Variants in ARHGAP26 observed in about 807,000 individuals in gnomAD.
ARHGAP26 encodes Rho GTPase activating protein 26, also known as rho GTPase-activating protein 26.
In ARHGAP26, 38 loss-of-function variants were observed where a neutral mutation model predicts 104.8. That is an observed-to-expected ratio of 0.36 (90% CI 0.28 to 0.48). The LOEUF (loss-of-function observed/expected upper bound fraction) is 0.48. Among genes scored for constraint, ARHGAP26 ranks in the 20% least tolerant of loss-of-function variants. The probability of loss-of-function intolerance (pLI) is 0.99; values close to 1 mark genes in which losing one functional copy is unlikely to be tolerated. For missense variants in ARHGAP26, 704 were observed against 947.9 expected (o/e 0.74, Z 3.38); for synonymous variants, 341 against 340.0 (o/e 1.00, Z -0.03).
At chr5:142,919,023 A>T (rs1239003979) in intron 10 of ARHGAP26, among the ~76,000 whole-genome samples, 1 of 152,232 alleles carries the variant, frequency 6.6e-6, no homozygotes, top group Non-Finnish European at 1.5e-5. Context: ...GGATAATTTT[A>T]AAAAATTTCC....
chr5:143,207,080 G>T, intron 20 of ARHGAP26, 118 bp from the exon 21 acceptor site: 1 of 1,236,296 alleles, frequency 8.1e-7, no homozygotes, highest in Non-Finnish European at 1.1e-6. Flanking sequence ...CACATCCCTG[G>T]GTTTCGGTGC....
At chr5:143,134,347 G>A (rs1284259588) in intron 19 of ARHGAP26, among the ~76,000 whole-genome samples, 2 of 152,162 alleles carry the variant, frequency 1.3e-5, no homozygotes, top group African/African-American at 4.8e-5. Context: ...ATCACCTGTG[G>A]ACAAACAGCT....
chr5:143,216,032 G>A (rs1225700246), intron 22 of ARHGAP26, among the ~76,000 whole-genome samples: 2 of 152,156 alleles, frequency 1.3e-5, no homozygotes, highest in African/African-American at 4.8e-5. Context: ...ATGCCGAACT[G>A]TTTCACAAAG....
intron 22 of ARHGAP26, chr5:143,216,394 C>T (rs1250175923): frequency 2.0e-5 from 9 of 442,088 alleles, no homozygotes; most frequent in Non-Finnish European, 4.2e-5. Flanking sequence ...TCCCATTGCT[C>T]TGAGAATTAC....
At chr5:143,156,477 C>T (rs1371849537) in intron 20 of ARHGAP26, among the ~76,000 whole-genome samples, 1 of 152,160 alleles carries the variant, frequency 6.6e-6, no homozygotes, top group Non-Finnish European at 1.5e-5. Context: ...TACCTGGGAG[C>T]CTGTTAGATC....
chr5:142,963,840 A>G (rs1456308260), intron 11 of ARHGAP26, among the ~76,000 whole-genome samples: 1 of 152,196 alleles, frequency 6.6e-6, no homozygotes, highest in Non-Finnish European at 1.5e-5. Flanking sequence ...CTCTGTGCCT[A>G]TTTTATTAGA....
chr5:143,101,381 A>G (rs1347853836), intron 17 of ARHGAP26, among the ~76,000 whole-genome samples: 1 of 152,082 alleles, frequency 6.6e-6, no homozygotes, highest in African/African-American at 2.4e-5. Context: ...GGCCCCATAC[A>G]CCTTCTATTT....
At position 143,228,532 on chromosome 5, in the gene ARHGAP26, G is replaced by C; in HGVS notation, c.*6086G>C. 4.5e-6 allele frequency: 1 copy of C among 221,138 alleles called. No individual in the cohort carries two copies. Among genetic ancestry groups the C allele is most frequent in the Non-Finnish European group, 9.1e-6 (1 of 110,270 alleles). 13.7% of individuals were successfully genotyped at this position (221,138 alleles called of 1,614,324 possible). On this transcript the variant is annotated 3_prime_UTR_variant, in exon 23 of 23. Coordinates refer to ENST00000645722, the MANE Select transcript of ARHGAP26 (RefSeq NM_001135608.3). ...GAAAGATCAAACCCATGAATGCTTA[G>C]TAGCTAAGGCTAGTGTTCAAAAGCA...
intron 11 of ARHGAP26, among the ~76,000 whole-genome samples, chr5:142,985,383 AG>A (rs1205922906): frequency 1.3e-5 from 2 of 152,234 alleles, no homozygotes; most frequent in African/African-American, 4.8e-5. Context: ...TAAAGTCTAC[AG>A]TATTGTGCAG....
intron 20 of ARHGAP26, among the ~76,000 whole-genome samples, chr5:143,198,197 A>G (rs1041336718): frequency 3.3e-5 from 5 of 152,216 alleles, no homozygotes; most frequent in African/African-American, 9.6e-5. Context: ...GAGAAAGGCA[A>G]TTGTACCATA....
chr5:142,902,333 C>T (rs913095695), intron 7 of ARHGAP26, among the ~76,000 whole-genome samples: 2 of 152,130 alleles, frequency 1.3e-5, no homozygotes. Flanking sequence ...TTTCCTTTGG[C>T]GGTGGAAATC....
At chr5:142,852,983 C>A (rs1000416806) in intron 1 of ARHGAP26, among the ~76,000 whole-genome samples, 2 of 152,108 alleles carry the variant, frequency 1.3e-5, no homozygotes, top group Admixed American at 1.3e-4. Context: ...AACCTTTGAC[C>A]TCCCTCATTT....
intron 14 of ARHGAP26, 116 bp downstream of exon 14, chr5:143,042,006 C>A: frequency 2.4e-6 from 2 of 842,400 alleles, no homozygotes; most frequent in African/African-American, 1.7e-5. Flanking sequence ...TGTCCGTGAG[C>A]TGTCACCTAG....
intron 12 of ARHGAP26, among the ~76,000 whole-genome samples, chr5:143,016,527 AC>A (rs1227664280): frequency 1.3e-5 from 2 of 152,136 alleles, no homozygotes; most frequent in African/African-American, 2.4e-5. Context: ...ACATGGTGAA[AC>A]CCTGTCTCTG....
chr5:142,864,397 C>A (rs1243815744), intron 1 of ARHGAP26, among the ~76,000 whole-genome samples: 2 of 152,140 alleles, frequency 1.3e-5, no homozygotes, highest in African/African-American at 4.8e-5. Flanking sequence ...GCTTTGAGTT[C>A]GTTTAGTTAA....
chr5:143,215,088 C>T (rs931044994), intron 22 of ARHGAP26, among the ~76,000 whole-genome samples: 18 of 152,226 alleles, frequency 1.2e-4, no homozygotes, highest in African/African-American at 2.7e-4. Context: ...CAGGCCCAGG[C>T]GGCGGAGTCC....
At chr5:143,022,341 G>C (rs550188030) in intron 12 of ARHGAP26, among the ~76,000 whole-genome samples, 1 of 152,282 alleles carries the variant, frequency 6.6e-6, no homozygotes, top group East Asian at 1.9e-4. Context: ...CCAAAGTGTT[G>C]GGATTACAGG....
chr5:143,056,640 G>A (rs556945029), intron 16 of ARHGAP26, among the ~76,000 whole-genome samples: 1 of 152,168 alleles, frequency 6.6e-6, no homozygotes, highest in African/African-American at 2.4e-5. Context: ...TAGGGATTAG[G>A]TGCAAGCTAC....
At chr5:142,856,173 C>G (rs1752325350) in intron 1 of ARHGAP26, among the ~76,000 whole-genome samples, 1 of 152,180 alleles carries the variant, frequency 6.6e-6, no homozygotes, top group Non-Finnish European at 1.5e-5. Context: ...CCATACTGAG[C>G]AAGTGTGAAA....
Sources: allele counts gnomAD v4.1 joint callset (sites outside exome capture counted in the v4.1 genomes callset), GRCh38; gene constraint gnomAD v4.1.1; transcripts MANE v1.5; gene names NCBI Gene and HGNC (gene_info 2026-07-23, HGNC 2026-07-21).